The following RIPOR3 variants were observed in gnomAD, a reference collection of about 807,000 sequenced individuals.
RIPOR3 encodes the protein family with sequence similarity 65 member C.
Under a neutral mutation model 114.3 loss-of-function variants are expected in RIPOR3, and 95 were observed. That is an observed-to-expected ratio of 0.83 (90% CI 0.70 to 0.99). The LOEUF is 0.99. Ranked by LOEUF, RIPOR3 falls within the 50% of genes least tolerant of loss-of-function variation. The pLI, the probability that RIPOR3 is intolerant of heterozygous loss-of-function variation, is 0.00. For synonymous variants in RIPOR3, 575 were observed against 543.8 expected, an observed-to-expected ratio of 1.06 and a Z score of -0.80; for missense variants, 1,252 against 1,266.9, an observed-to-expected ratio of 0.99 and a Z score of 0.18.
rs761339265 is a variant in RIPOR3, at chr20:50,587,240, T to C, written c.2845A>G (p.Ile949Val). The change falls in exon 22 of 22, where the codon ATA (isoleucine) becomes GTA (valine). Residue 949 changes from isoleucine (I) to valine (V), a missense_variant. Transcript: ENST00000327979. ...TCATCAGCCAGGATTTTTTAAAATA[T>C]TGTGATTTCAACATCTGCCTCCTGG... ...FCQEADVEIT[I>V]F The C allele has an allele frequency of 8.1e-6, 13 of 1,613,610 alleles. No homozygotes were observed. The highest frequency in any genetic ancestry group is 6.7e-5 in the East Asian group (3 of 44,900).
In RIPOR3 at chr20:50,604,668, T is replaced by TG. The variant is rs1330297846; in HGVS notation, c.1062dup (p.Ser355GlnfsTer35). On this transcript the variant is annotated frameshift_variant, in exon 12 of 22. Transcript: ENST00000327979. LOFTEE classifies it high-confidence loss of function. Reference sequence around the variant, plus strand: ...ACCAGGTAGTATCTCTCCCGGAAGCTGGGGGTGCTCGGGGGTGTCCAGTTG... The same window carrying TG: ...ACCAGGTAGTATCTCTCCCGGAAGCTGGGGGGTGCTCGGGGGTGTCCAGTTG... The TG allele has an allele frequency of 7.5e-6, 12 of 1,607,726 alleles. No individual in the cohort carries two copies. Among genetic ancestry groups the TG allele is most frequent in the Non-Finnish European group, 1.0e-5 (12 of 1,177,690 alleles).
At chr20:50,685,343 A>G (rs2086980200) in intron 1 of RIPOR3, among the ~76,000 whole-genome samples, 1 of 150,284 alleles carries the variant, frequency 6.7e-6, no homozygotes, top group African/African-American at 2.5e-5. Flanking sequence ...CAGCCTCCCG[A>G]GTAACTGAGA....
At chr20:50,617,109 C>T (rs186502447) in intron 3 of RIPOR3, among the ~76,000 whole-genome samples, 46 of 152,022 alleles carry the variant, frequency 3.0e-4, no homozygotes, top group East Asian at 2.6e-3. Context: ...ACCACTGCAC[C>T]CCACCTGGGC....
chr20:50,657,827 C>CACT (rs1454880222), intron 1 of RIPOR3, among the ~76,000 whole-genome samples: 3 of 148,660 alleles, frequency 2.0e-5, no homozygotes, highest in Admixed American at 6.8e-5. Flanking sequence ...GATCATACCT[C>CACT]ACTACAGCCT....
At chr20:50,629,985 T>G (rs528208531) in intron 2 of RIPOR3, among the ~76,000 whole-genome samples, 8 of 151,336 alleles carry the variant, frequency 5.3e-5, no homozygotes, top group African/African-American at 2.0e-4. Context: ...TGGGTTTTTT[T>G]GAGATGGCAT....
In RIPOR3 at chr20:50,604,746, A is replaced by T. The variant is rs1601488104; in HGVS notation, c.985T>A (p.Ser329Thr). 2 of 1,608,658 alleles carry T rather than the reference A, an allele frequency of 1.2e-6. No individual in the cohort carries two copies. The highest frequency in any genetic ancestry group is 1.7e-6 in the Non-Finnish European group (2 of 1,178,046). The change falls in exon 12 of 22, where the codon TCA (serine) becomes ACA (threonine). Residue 329 changes from serine (S) to threonine (T), a missense_variant. Physicochemically the swap from Ser to Thr is moderately conservative, Grantham distance 58. Transcript: ENST00000327979. ...NPFDTESFLV[S>T]PSPTGKFSMG... Reference sequence around the variant, plus strand: ...GAAAACTTGCCCGTGGGGCTGGGTGACACCAGGAAGCTCTCAGTATCAAAC... The same window carrying T: ...GAAAACTTGCCCGTGGGGCTGGGTGTCACCAGGAAGCTCTCAGTATCAAAC...
At chr20:50,615,250 A>G (rs2084126920) in intron 4 of RIPOR3, among the ~76,000 whole-genome samples, 1 of 151,844 alleles carries the variant, frequency 6.6e-6, no homozygotes, top group Non-Finnish European at 1.5e-5. Flanking sequence ...CTTGGCTGGC[A>G]CAGTGCCTCA....
intron 2 of RIPOR3, chr20:50,621,137 A>T (rs2084388930): frequency 2.7e-6 from 1 of 364,782 alleles, no homozygotes; most frequent in Non-Finnish European, 5.2e-6. Context: ...AAAAAAAAGA[A>T]CAGTAATAAA....
chr20:50,612,719 GAGAA>G lies in RIPOR3; in HGVS notation c.349-1519_349-1516del, dbSNP rs1386023187. On this transcript the variant is annotated intron_variant, in intron 4 of 21. Transcript: ENST00000327979. Reference sequence around the variant, plus strand: ...GATTGAATAGAGGAGGGCGTCAATCGAGAAAGAAAGAAGGATTCAACCCCAAAAA... The same window carrying G: ...GATTGAATAGAGGAGGGCGTCAATCGAGAAAGAAGGATTCAACCCCAAAAA... 5.9e-5 allele frequency among the ~76,000 whole-genome samples: 9 copies of G among 151,886 alleles called. No homozygotes were observed. The East Asian group carries it at 7.7e-4, about 13-fold the overall frequency.
chr20:50,633,630 T>G (rs2084890273), intron 1 of RIPOR3, among the ~76,000 whole-genome samples: 2 of 152,140 alleles, frequency 1.3e-5, no homozygotes, highest in Non-Finnish European at 1.5e-5. Context: ...CCCCGGCCCC[T>G]CCCTCTGCAC....
intron 12 of RIPOR3, 97 bp downstream of exon 12, chr20:50,604,548 C>T: frequency 6.9e-7 from 1 of 1,452,976 alleles, no homozygotes; most frequent in Non-Finnish European, 9.1e-7. Flanking sequence ...CCGAGGCTTG[C>T]CATGTCTGGG....
chr20:50,592,192 T>A (rs2083127799), intron 19 of RIPOR3, 152 bp downstream of exon 19: 1 of 675,668 alleles, frequency 1.5e-6, no homozygotes, highest in Non-Finnish European at 2.3e-6. Context: ...CATTCATGTG[T>A]GTTAGATCGT....
intron 7 of RIPOR3, 107 bp from the exon 8 acceptor site, chr20:50,609,463 T>G: frequency 6.7e-7 from 1 of 1,490,528 alleles, no homozygotes; most frequent in Non-Finnish European, 8.9e-7. Context: ...GACGCCTCCT[T>G]GGGGCCCAGA....
Position 50,602,494 on chromosome 20 carries a change from C to G in RIPOR3, c.1237G>C (p.Glu413Gln). ...ELPEMDSFSS[E>Q]DPRDTETSTS... ...CTGGTCTCCGTGTCTCGGGGGTCCT[C>G]AGAGCTGAAGGAGTCCATCTCAGGC... is the stretch of plus-strand genomic sequence containing the variant. Residue 413 changes from glutamate (E) to glutamine (Q), a missense_variant, in exon 13 of 22, where the codon GAG (glutamate) becomes CAG (glutamine). Coordinates refer to ENST00000327979, the MANE Select transcript of RIPOR3 (RefSeq NM_001290268.2). This position sits in a 1 kb window ranked among gnomAD's most constrained non-coding sequence, Gnocchi z 4.3. 2 of 1,563,384 alleles carry G rather than the reference C, an allele frequency of 1.3e-6. No individual in the cohort carries two copies. Among genetic ancestry groups the G allele is most frequent in the East Asian group, 4.5e-5 (2 of 44,168 alleles).
At chr20:50,605,562 A>C (rs151063101) in intron 11 of RIPOR3, among the ~76,000 whole-genome samples, 1 of 152,060 alleles carries the variant, frequency 6.6e-6, no homozygotes, top group African/African-American at 2.4e-5. Flanking sequence ...TGAGCTCAGG[A>C]GTTCGAGACC....
chr20:50,625,504 A>T (rs1306533759), intron 2 of RIPOR3, among the ~76,000 whole-genome samples: 1 of 152,212 alleles, frequency 6.6e-6, no homozygotes, highest in Non-Finnish European at 1.5e-5. Flanking sequence ...TGTGCTTGAC[A>T]GCTTCACAGG....
chr20:50,588,475 T>G (rs1042950162), intron 20 of RIPOR3, among the ~76,000 whole-genome samples: 3 of 152,202 alleles, frequency 2.0e-5, no homozygotes, highest in African/African-American at 4.8e-5. Context: ...GCAGGTGAGG[T>G]TGAGGGAAAG....
intron 1 of RIPOR3, among the ~76,000 whole-genome samples, chr20:50,647,840 C>A (rs2085467404): frequency 6.6e-6 from 1 of 152,048 alleles, no homozygotes; most frequent in Non-Finnish European, 1.5e-5. Flanking sequence ...GCCTCCAGTT[C>A]CTCATCTATA....
At chr20:50,635,415 A>G (rs1039023209) in intron 1 of RIPOR3, among the ~76,000 whole-genome samples, 1 of 152,096 alleles carries the variant, frequency 6.6e-6, no homozygotes, top group East Asian at 1.9e-4. Flanking sequence ...GCACTTTGAG[A>G]GGCTGAGATG....
Sources: gnomAD v4.1 joint callset for allele counts (sites outside exome capture counted in the v4.1 genomes callset) on GRCh38, gnomAD v4.1.1 for gene constraint, Gnocchi (gnomAD v3.1) non-coding constraint, MANE v1.5 for transcripts, NCBI Gene and HGNC (gene_info 2026-07-23, HGNC 2026-07-21) for gene names.